Variants in ATP13A4 observed in about 807,000 individuals in gnomAD.
ATP13A4 encodes the protein probable cation-transporting ATPase 13A4.
Under a neutral mutation model 142.5 loss-of-function variants are expected in ATP13A4, and 114 were observed. That is an observed-to-expected ratio of 0.80 (90% CI 0.69 to 0.93). The LOEUF (loss-of-function observed/expected upper bound fraction) is 0.93. Ranked by LOEUF, ATP13A4 falls within the 40% of genes least tolerant of loss-of-function variation. ATP13A4 has a pLI of 0.00. For missense variants in ATP13A4, 1,392 were observed against 1,454.0 expected, an observed-to-expected ratio of 0.96 and a Z score of 0.69; for synonymous variants, 488 against 514.8, an observed-to-expected ratio of 0.95 and a Z score of 0.70.
At chr3:193,466,488 T>C (rs963374348) in intron 10 of ATP13A4, among the ~76,000 whole-genome samples, 4 of 152,176 alleles carry the variant, frequency 2.6e-5, no homozygotes. Flanking sequence ...AGAAAATGAC[T>C]CAAACGTGTG....
chr3:193,421,613 A>C (rs1412703772), intron 25 of ATP13A4, among the ~76,000 whole-genome samples: 2 of 149,992 alleles, frequency 1.3e-5, no homozygotes, highest in Non-Finnish European at 3.0e-5. Context: ...ATACATTGTT[A>C]AGAAGTACAT....
intron 17 of ATP13A4, among the ~76,000 whole-genome samples, chr3:193,450,503 G>A (rs1260378854): frequency 6.6e-6 from 1 of 152,182 alleles, no homozygotes. Context: ...TAAAACAGAT[G>A]TCCAAATCCG....
At chr3:193,500,513 T>A (rs149958005) in intron 3 of ATP13A4, among the ~76,000 whole-genome samples, 3 of 152,136 alleles carry the variant, frequency 2.0e-5, no homozygotes, top group African/African-American at 7.2e-5. Flanking sequence ...TGGTTTCGGA[T>A]CATCAGGCAA....
chr3:193,468,115 G>A (rs953638522), intron 9 of ATP13A4, among the ~76,000 whole-genome samples: 1 of 152,132 alleles, frequency 6.6e-6, no homozygotes, highest in Non-Finnish European at 1.5e-5. Flanking sequence ...GGAGGCAGAG[G>A]TTGTGGTGAG....
chr3:193,467,744 A>G (rs1325915545), intron 9 of ATP13A4, among the ~76,000 whole-genome samples: 1 of 152,208 alleles, frequency 6.6e-6, no homozygotes, highest in East Asian at 1.9e-4. Flanking sequence ...AATCAAACAC[A>G]GATGTCAAGA....
chr3:193,438,545 G>A lies in ATP13A4; in HGVS notation c.2602C>T (p.Gln868Ter). Reference protein sequence around the residue: ...MAHVGISLSEQEASVASPFTS... With the variant: ...MAHVGISLSE ...AAAGGTGAGGCCACAGATGCCTCCT[G>A]CTCTGATAATGAGATGCCCACATGA... The change falls in exon 23 of 30, where the codon CAG (glutamine) becomes TAG (stop). Residue 868 changes from glutamine to a stop codon, truncating the protein, a stop_gained. Transcript: ENST00000342695. LOFTEE classifies it high-confidence loss of function. The A allele has an allele frequency of 6.2e-7, 1 of 1,614,160 alleles. No individual in the cohort carries two copies. Among genetic ancestry groups the A allele is most frequent in the Non-Finnish European group, 8.5e-7 (1 of 1,180,018 alleles).
chr3:193,399,488 AG>A lies in ATP13A4; in HGVS notation c.*3163del, dbSNP rs1714194625. On this transcript the variant is annotated 3_prime_UTR_variant, in exon 30 of 30. Transcript: ENST00000342695. ...TATGTCCACACAATCGGATCTGACA[AG>A]GCTGGGAGCCCTCCCTCCAGAGCCC... 6.6e-6 allele frequency among the ~76,000 whole-genome samples: 1 copy of A among 152,152 alleles called. No homozygotes were observed. The highest frequency in any genetic ancestry group is 2.4e-5 in the African/African-American group (1 of 41,428).
intron 2 of ATP13A4, among the ~76,000 whole-genome samples, chr3:193,563,559 G>A (rs1167191600): frequency 1.3e-5 from 2 of 152,230 alleles, no homozygotes; most frequent in African/African-American, 4.8e-5. Flanking sequence ...TCAGAAGGCT[G>A]AGCTGGGAGG....
intron 3 of ATP13A4, among the ~76,000 whole-genome samples, chr3:193,494,690 C>T (rs1720129113): frequency 6.6e-6 from 1 of 151,812 alleles, no homozygotes; most frequent in Admixed American, 6.6e-5. Context: ...ATCTCAAATA[C>T]ACAATCTAAC....
intron 2 of ATP13A4, among the ~76,000 whole-genome samples, chr3:193,574,277 T>C (rs1366341714): frequency 6.6e-6 from 1 of 152,288 alleles, no homozygotes; most frequent in African/African-American, 2.4e-5. Flanking sequence ...ACAAGCTTTC[T>C]GTTGGCCACA....
chr3:193,504,650 A>G (rs1720760921), intron 2 of ATP13A4, among the ~76,000 whole-genome samples: 1 of 152,134 alleles, frequency 6.6e-6, no homozygotes, highest in Non-Finnish European at 1.5e-5. Flanking sequence ...ACATTTTGCT[A>G]AAAAATATAA....
At chr3:193,497,243 A>G (rs1055209238) in intron 3 of ATP13A4, among the ~76,000 whole-genome samples, 1 of 152,222 alleles carries the variant, frequency 6.6e-6, no homozygotes, top group African/African-American at 2.4e-5. Flanking sequence ...ACTATTTGAT[A>G]GAAAATGGGC....
At chr3:193,463,481 G>A (rs952729809) in intron 12 of ATP13A4, among the ~76,000 whole-genome samples, 44 of 148,928 alleles carry the variant, frequency 3.0e-4, no homozygotes, top group African/African-American at 1.1e-3. Flanking sequence ...CAATATTATG[G>A]TTAAGAATTC....
In ATP13A4 at chr3:193,528,858, C is replaced by T. The variant is rs1722155695; in HGVS notation, c.61-13987G>A. On this transcript the variant is annotated intron_variant, in intron 1 of 29. Coordinates refer to ENST00000342695, the MANE Select transcript of ATP13A4 (RefSeq NM_032279.4). ...ACCATACACATTATTTTACAATCTG[C>T]TTTTTTATTCAATGGTCCATTTTTC... 9.6e-5 allele frequency among the ~76,000 whole-genome samples: 4 copies of T among 41,534 alleles called. No individual in the cohort carries two copies. The South Asian group carries it at 6.2e-3, about 64-fold the overall frequency. The allele number at this position is 41,534 out of a possible 152,430, so 27.2% of individuals were successfully genotyped here.
intron 8 of ATP13A4, among the ~76,000 whole-genome samples, chr3:193,479,900 G>C (rs572164088): frequency 1.3e-5 from 2 of 152,188 alleles, no homozygotes; most frequent in South Asian, 4.2e-4. Context: ...AAACAGCATG[G>C]TACTAGTATA....
intron 25 of ATP13A4, among the ~76,000 whole-genome samples, chr3:193,428,135 T>C (rs1715771325): frequency 6.6e-6 from 1 of 152,114 alleles, no homozygotes; most frequent in Non-Finnish European, 1.5e-5. Context: ...GCAAAGGATA[T>C]GAACAGACAC....
chr3:193,551,979 A>G (rs1723600972), intron 1 of ATP13A4, among the ~76,000 whole-genome samples: 1 of 151,560 alleles, frequency 6.6e-6, no homozygotes, highest in African/African-American at 2.4e-5. Flanking sequence ...ATTTTTATCT[A>G]TTTACTTATT....
At chr3:193,576,546 C>T (rs1724401606) in intron 2 of ATP13A4, among the ~76,000 whole-genome samples, 1 of 152,094 alleles carries the variant, frequency 6.6e-6, no homozygotes, top group South Asian at 2.1e-4. Flanking sequence ...GCTGGGATTA[C>T]AGGCGTGAGC....
chr3:193,511,793 C>A (rs1721154255), intron 2 of ATP13A4, among the ~76,000 whole-genome samples: 1 of 151,892 alleles, frequency 6.6e-6, no homozygotes, highest in Non-Finnish European at 1.5e-5. Flanking sequence ...CCCCATTTTA[C>A]AAGTGGTGAA....
Sources: gnomAD v4.1 joint callset for allele counts (sites outside exome capture counted in the v4.1 genomes callset) on GRCh38, gnomAD v4.1.1 for gene constraint, MANE v1.5 for transcripts, NCBI Gene and HGNC (gene_info 2026-07-23, HGNC 2026-07-21) for gene names.